Variants in PACSIN1 observed in about 807,000 individuals in gnomAD.
PACSIN1 encodes protein kinase C and casein kinase substrate in neurons 1.
PACSIN1 carries 15 observed loss-of-function variants against 59.5 expected under a neutral mutation model. That is an observed-to-expected ratio of 0.25 (90% CI 0.17 to 0.39). The LOEUF (loss-of-function observed/expected upper bound fraction) is 0.39. PACSIN1 is among the 10% of genes least tolerant of loss of function. The pLI, the probability that PACSIN1 is intolerant of heterozygous loss-of-function variation, is 1.00. For synonymous variants in PACSIN1, 210 were observed against 220.6 expected (o/e 0.95, Z 0.42); for missense variants, 420 against 580.2 (o/e 0.72, Z 2.84).
At chr6:34,523,065 C>T (rs1767422794) in intron 1 of PACSIN1, among the ~76,000 whole-genome samples, 1 of 152,194 alleles carries the variant, frequency 6.6e-6, no homozygotes, top group Admixed American at 6.5e-5. Flanking sequence ...ATCCCCTAAT[C>T]CCATCAAGCT....
chr6:34,512,554 C>T (rs1055624707), intron 1 of PACSIN1, among the ~76,000 whole-genome samples: 1 of 152,190 alleles, frequency 6.6e-6, no homozygotes, highest in African/African-American at 2.4e-5. Flanking sequence ...CGGGAGTCCC[C>T]ACCCTCCTGG....
At position 34,515,356 on chromosome 6, in the gene PACSIN1, C is replaced by G. The variant is rs1056148107; in HGVS notation, c.-63-10887C>G. ...GGTCCTGACTTTGTAGCCATGCCCC[C>G]TCCTTGGGGCAGCAGGCCGAGGGAG... On this transcript the variant is annotated intron_variant, in intron 1 of 9. Coordinates refer to ENST00000244458, the MANE Select transcript of PACSIN1 (RefSeq NM_020804.5). The surrounding 1 kb of genome is among the most constrained non-coding windows in gnomAD (Gnocchi z 4.4). Among the ~76,000 whole-genome samples, 2 of 152,210 alleles carry G rather than the reference C, an allele frequency of 1.3e-5. No homozygotes were observed. The highest frequency in any genetic ancestry group is 2.4e-5 in the African/African-American group (1 of 41,464).
At chr6:34,466,933 G>T (rs1210226500) in intron 1 of PACSIN1, among the ~76,000 whole-genome samples, 1 of 152,198 alleles carries the variant, frequency 6.6e-6, no homozygotes, top group Non-Finnish European at 1.5e-5. Context: ...GCTATGAAAA[G>T]GTTAAAGGGT....
chr6:34,482,749 G>A (rs573453491), intron 1 of PACSIN1, among the ~76,000 whole-genome samples: 2 of 150,476 alleles, frequency 1.3e-5, no homozygotes, highest in African/African-American at 4.9e-5. Context: ...GCATGATATC[G>A]GCTCACTGCA....
intron 1 of PACSIN1, among the ~76,000 whole-genome samples, chr6:34,491,416 A>T (rs924516166): frequency 2.0e-5 from 3 of 152,032 alleles, no homozygotes; most frequent in South Asian, 4.1e-4. Flanking sequence ...CACCAGTGAC[A>T]GTGGGCGACC....
intron 1 of PACSIN1, among the ~76,000 whole-genome samples, chr6:34,500,220 G>C (rs190988630): frequency 6.6e-6 from 1 of 152,186 alleles, no homozygotes; most frequent in African/African-American, 2.4e-5. Flanking sequence ...CACCCATTAT[G>C]ATGGCCATTA....
At position 34,530,096 on chromosome 6, in the gene PACSIN1, G is replaced by T; in HGVS notation, c.789-147G>T. The T allele has an allele frequency of 4.3e-6, 5 of 1,159,618 alleles. No homozygotes were observed. The highest frequency in any genetic ancestry group is 6.0e-6 in the Non-Finnish European group (5 of 835,972). The allele number at this position is 1,159,618 out of a possible 1,614,324, so 71.8% of individuals were successfully genotyped here. ...AAGGAGTCCACCGAGCATGCCCGGA[G>T]CTTATTCTTGCAAAGCCCACATGAT... On this transcript the variant is annotated intron_variant, in intron 6 of 9. Coordinates refer to ENST00000244458, the MANE Select transcript of PACSIN1 (RefSeq NM_020804.5). The surrounding 1 kb of genome is among the most constrained non-coding windows in gnomAD (Gnocchi z 4.4).
chr6:34,528,912 T>TGGGGGGGGGGCCGGGGGGGGGGGGGGGG, intron 4 of PACSIN1, 35 bp downstream of exon 4: 1 of 464,334 alleles, frequency 2.2e-6, no homozygotes, highest in Non-Finnish European at 4.2e-6. Context: ...CGGGGTGGGG[T>TGGGGGGGGGGCCGGGGGGGGGGGGGGGG]GGGCCCGTCT....
rs866524609 is a variant in PACSIN1 at position 34,492,219 on chromosome 6, T to G, written c.-64+25949T>G. 7.7e-3 allele frequency among the ~76,000 whole-genome samples: 768 copies of G among 100,004 alleles called. 3 individuals carry two copies. Among genetic ancestry groups the G allele is most frequent in the African/African-American group, 0.023 (731 of 32,446 alleles). The allele number at this position is 100,004 out of a possible 152,430, so 65.6% of individuals were successfully genotyped here. ...CCTTTTTTTTTTTTTTTTTTTTTTT[T>G]GAGGCAAAATCTCACTCTGTTGCCC... is the stretch of plus-strand genomic sequence containing the variant. On this transcript the variant is annotated intron_variant, in intron 1 of 9. Transcript: ENST00000244458.
At chr6:34,528,901 G>GGGGGGCC in intron 4 of PACSIN1, 24 bp downstream of exon 4, 1 of 1,394,270 alleles carries the variant, frequency 7.2e-7, no homozygotes, top group Non-Finnish European at 1.0e-6. Flanking sequence ...GCTGCCACGG[G>GGGGGGCC]CGGGGTGGGG....
At chr6:34,492,487 G>A (rs1766892644) in intron 1 of PACSIN1, among the ~76,000 whole-genome samples, 2 of 151,818 alleles carry the variant, frequency 1.3e-5, no homozygotes, top group Non-Finnish European at 2.9e-5. Context: ...AGGTTCAAGC[G>A]ATTCTCCTGC....
chr6:34,496,302 T>A (rs946392284), intron 1 of PACSIN1, among the ~76,000 whole-genome samples: 1 of 152,036 alleles, frequency 6.6e-6, no homozygotes, highest in Non-Finnish European at 1.5e-5. Context: ...AGGTCATCTG[T>A]AATTGCCTGA....
chr6:34,528,902 C>CGGCCGGGGGG, intron 4 of PACSIN1, 25 bp downstream of exon 4: 1 of 268,086 alleles, frequency 3.7e-6, no homozygotes, highest in Non-Finnish European at 7.3e-6. Flanking sequence ...CTGCCACGGG[C>CGGCCGGGGGG]GGGGTGGGGT....
chr6:34,486,848 AT>A (rs1561958336), intron 1 of PACSIN1, among the ~76,000 whole-genome samples: 2 of 151,728 alleles, frequency 1.3e-5, no homozygotes, highest in Non-Finnish European at 2.9e-5. Flanking sequence ...GAATTTTCTG[AT>A]TTAACTGGGC....
In PACSIN1 at chr6:34,521,021, T is replaced by TATTC. The variant is rs1421785200; in HGVS notation, c.-63-5208_-63-5205dup. Among the ~76,000 whole-genome samples the TATTC allele has an allele frequency of 2.6e-5, 4 of 152,372 alleles. No homozygotes were observed. The highest frequency in any genetic ancestry group is 1.9e-4 in the East Asian group (1 of 5,192). On this transcript the variant is annotated intron_variant, in intron 1 of 9. Coordinates refer to ENST00000244458, the MANE Select transcript of PACSIN1 (RefSeq NM_020804.5). The surrounding 1 kb of genome is among the most constrained non-coding windows in gnomAD (Gnocchi z 4.3). The stretch of plus-strand genomic sequence containing the variant: ...TGAATGTTAGAAGGTCCTTGGCATT[T>TATTC]ATTCATTCATTCATTCAACAAAAGT...
At chr6:34,526,698 C>T (rs368823217) in intron 2 of PACSIN1, among the ~76,000 whole-genome samples, 4 of 152,206 alleles carry the variant, frequency 2.6e-5, no homozygotes, top group African/African-American at 7.2e-5. Context: ...CCTCGCTCGC[C>T]CCCCATCCTG....
At chr6:34,519,136 G>C (rs1767343493) in intron 1 of PACSIN1, among the ~76,000 whole-genome samples, 1 of 152,092 alleles carries the variant, frequency 6.6e-6, no homozygotes, top group Admixed American at 6.5e-5. Flanking sequence ...CACAGAGGCT[G>C]GGGTGCCTGA....
chr6:34,501,110 T>G (rs763954961), intron 1 of PACSIN1, among the ~76,000 whole-genome samples: 1 of 152,266 alleles, frequency 6.6e-6, no homozygotes, highest in Non-Finnish European at 1.5e-5. Context: ...TTATCATTTG[T>G]GTGTTCACTG....
At chr6:34,528,585 G>T in intron 3 of PACSIN1, 57 bp from the exon 4 acceptor site, 1 of 1,246,524 alleles carries the variant, frequency 8.0e-7, no homozygotes, top group African/African-American at 1.5e-5. Context: ...GGAGATGTGA[G>T]GGGGGGCCTC....
Sources: gnomAD v4.1 joint callset for allele counts (sites outside exome capture counted in the v4.1 genomes callset) on GRCh38, gnomAD v4.1.1 for gene constraint, Gnocchi (gnomAD v3.1) non-coding constraint, MANE v1.5 for transcripts, NCBI Gene and HGNC (gene_info 2026-07-23, HGNC 2026-07-21) for gene names.